The following SLC25A28 variants were observed in gnomAD, a reference collection of about 807,000 sequenced individuals.
SLC25A28 encodes the protein solute carrier family 25 member 28.
A neutral mutation model predicts 31.9 loss-of-function variants in SLC25A28; 10 were observed. The ratio of observed to expected loss-of-function variants is 0.31; its 90% CI spans 0.19 to 0.53. SLC25A28 has a LOEUF of 0.53. Ranked by LOEUF, SLC25A28 falls within the 20% of genes least tolerant of loss-of-function variation. The pLI, the probability that SLC25A28 is intolerant of heterozygous loss-of-function variation, is 0.95. For missense variants in SLC25A28, 256 were observed against 490.3 expected, an observed-to-expected ratio of 0.52 and a Z score of 4.51; for synonymous variants, 208 against 203.6, an observed-to-expected ratio of 1.02 and a Z score of -0.19.
chr10:99,640,141 T>A, the SLC25A28 span, among the ~76,000 whole-genome samples: 1 of 152,238 alleles, frequency 6.6e-6, no homozygotes, highest in Non-Finnish European at 1.5e-5. Flanking sequence ...AATCCTATAT[T>A]GTTTTATATT....
rs760132340 is a variant in SLC25A28 at position 99,611,427 on chromosome 10, T to C, written c.578-61A>G. 3.2e-6 allele frequency: 5 copies of C among 1,580,604 alleles called. No homozygotes were observed. Among genetic ancestry groups the C allele is most frequent in the Non-Finnish European group, 4.3e-6 (5 of 1,161,822 alleles). On this transcript the variant is annotated intron_variant, in intron 3 of 3. Coordinates refer to ENST00000370495, the MANE Select transcript of SLC25A28 (RefSeq NM_031212.4). This position sits in a 1 kb window ranked among gnomAD's most constrained non-coding sequence, Gnocchi z 5.5. Reference sequence around the variant, plus strand: ...AGCAGCCAACCGGTGATGGAGAGTATCCAGATTCAGAGCCCCAAGTCAGCA... The same window carrying C: ...AGCAGCCAACCGGTGATGGAGAGTACCCAGATTCAGAGCCCCAAGTCAGCA...
At chr10:99,622,898 G>A (rs1483034307), upstream of SLC25A28, among the ~76,000 whole-genome samples, 3 of 152,074 alleles carry the variant, frequency 2.0e-5, no homozygotes, top group African/African-American at 7.2e-5. Context: ...TTGAAGCTGG[G>A]GATACAGGAC....
In SLC25A28 at chr10:99,613,865, G is replaced by T. The variant is rs370300780; in HGVS notation, c.351C>A (p.Ala117=). The T allele has an allele frequency of 5.0e-6, 8 of 1,614,080 alleles. No individual in the cohort carries two copies. In the East Asian group the frequency reaches 1.1e-4, roughly 22 times the overall value. Residue 117 remains alanine (A), a synonymous_variant, in exon 2 of 4, where the codon GCC becomes GCA. Coordinates refer to ENST00000370495, the MANE Select transcript of SLC25A28 (RefSeq NM_031212.4). The surrounding 1 kb of genome is among the most constrained non-coding windows in gnomAD (Gnocchi z 4.9). ...CCTCCGTTCTTATAATCCTCCAGAG[G>T]GCCTCCAACACATTGCGATAGCGGG... ...PAARYRNVLE[A]LWRIIRTEGL...
At chr10:99,620,938 G>GT (rs2034778970), upstream of SLC25A28, 20 of 963,348 alleles carry the variant, frequency 2.1e-5, no homozygotes, top group Non-Finnish European at 2.4e-5. Context: ...GACGGGCGCC[G>GT]TTACGACCCG....
the SLC25A28 span, among the ~76,000 whole-genome samples, chr10:99,636,529 C>T: frequency 1.3e-5 from 2 of 152,114 alleles, no homozygotes; most frequent in East Asian, 3.9e-4. Flanking sequence ...ACAGCACAAA[C>T]TGACATTCTA....
At chr10:99,631,879 TTTTTTTTTTTTA>T in the SLC25A28 span, among the ~76,000 whole-genome samples, 7 of 26,506 alleles carry the variant, frequency 2.6e-4, 1 homozygote, top group South Asian at 1.4e-3. Context: ...CAGTATGTTA[TTTTTTTTTTTTA>T]TTTTTTTTTT....
upstream of SLC25A28, among the ~76,000 whole-genome samples, chr10:99,622,498 CTA>C (rs2034815369): frequency 6.6e-6 from 1 of 152,208 alleles, no homozygotes; most frequent in South Asian, 2.1e-4. Context: ...CTATCCACCT[CTA>C]TGTCCTTTCT....
At chr10:99,616,064 T>C (rs2034645293) in intron 1 of SLC25A28, 1 of 985,432 alleles carries the variant, frequency 1.0e-6, no homozygotes. Context: ...TAAAAATGAA[T>C]ATGGCTCCCC....
intron 1 of SLC25A28, chr10:99,615,527 A>C: frequency 1.0e-6 from 1 of 985,398 alleles, no homozygotes; most frequent in Non-Finnish European, 1.2e-6. Context: ...CTACCAACAA[A>C]AAACCGGAAG....
the SLC25A28 span, among the ~76,000 whole-genome samples, chr10:99,656,733 T>C: frequency 1.1e-4 from 16 of 152,140 alleles, no homozygotes; most frequent in Non-Finnish European, 1.6e-4. Flanking sequence ...TGGAGAAAAA[T>C]TGCAAATGTA....
At chr10:99,658,061 T>C in the SLC25A28 span, among the ~76,000 whole-genome samples, 4 of 152,060 alleles carry the variant, frequency 2.6e-5, no homozygotes, top group Admixed American at 6.5e-5. Context: ...TGGTGGCACG[T>C]GCCTGTAGAG....
the SLC25A28 span, among the ~76,000 whole-genome samples, chr10:99,639,649 C>G: frequency 6.6e-6 from 1 of 151,554 alleles, no homozygotes; most frequent in East Asian, 1.9e-4. Context: ...CCCTGCCCCC[C>G]CATCCCCCTA....
the SLC25A28 span, among the ~76,000 whole-genome samples, chr10:99,633,325 T>G: frequency 1.3e-5 from 2 of 152,304 alleles, no homozygotes; most frequent in Admixed American, 1.3e-4. Flanking sequence ...TTGCCTTCTT[T>G]TAATCAACCA....
intron 1 of SLC25A28, chr10:99,619,047 G>A (rs1236982640): frequency 1.0e-6 from 1 of 985,216 alleles, no homozygotes; most frequent in Admixed American, 6.2e-5. Context: ...ACCTTTAATG[G>A]CTGGCACCTT....
At chr10:99,616,176 G>GAA in intron 1 of SLC25A28, 1 of 985,330 alleles carries the variant, frequency 1.0e-6, no homozygotes, top group Non-Finnish European at 1.2e-6. Context: ...TGGCTTTGGA[G>GAA]AAAAGCCAAA....
At position 99,620,102 on chromosome 10, in the gene SLC25A28, T is replaced by C; in HGVS notation, c.234A>G (p.Ala78=). ...AGATVTTHMV[A]GAVAGILEHC... ...GCTCCAGGATCCCTGCCACGGCGCC[T>C]GCCACCATGTGCGTGGTGACAGTGG... is the stretch of plus-strand genomic sequence containing the variant. The change falls in exon 1 of 4, where the codon GCA becomes GCG. Residue 78 remains alanine (A), a synonymous_variant. Transcript: ENST00000370495. The C allele has an allele frequency of 6.3e-7, 1 of 1,580,258 alleles. No homozygotes were observed. The highest frequency in any genetic ancestry group is 8.5e-7 in the Non-Finnish European group (1 of 1,170,566).
chr10:99,618,939 G>A (rs528897113), intron 1 of SLC25A28: 2 of 985,374 alleles, frequency 2.0e-6, no homozygotes, highest in South Asian at 4.7e-5. Flanking sequence ...AAGCTGCCAG[G>A]TCACTGTTTG....
At chr10:99,615,533 G>A (rs1487657899) in intron 1 of SLC25A28, 16 of 985,114 alleles carry the variant, frequency 1.6e-5, no homozygotes, top group African/African-American at 1.2e-4. Context: ...ACAAAAAACC[G>A]GAAGCTTAAA....
intron 1 of SLC25A28, chr10:99,615,554 C>T (rs1268519048): frequency 1.0e-6 from 1 of 985,228 alleles, no homozygotes; most frequent in African/African-American, 1.7e-5. Context: ...AGGTTAGTTA[C>T]TGGATGTTCA....
Sources: allele counts gnomAD v4.1 joint callset (sites outside exome capture counted in the v4.1 genomes callset), GRCh38; gene constraint gnomAD v4.1.1; non-coding constraint Gnocchi (gnomAD v3.1); transcripts MANE v1.5; gene names NCBI Gene and HGNC (gene_info 2026-07-23, HGNC 2026-07-21).